Variants in SOX6 observed in about 807,000 individuals in gnomAD.
SOX6 encodes transcription factor SOX-6.
In SOX6, 11 loss-of-function variants were observed where a neutral mutation model predicts 97.8. The observed-to-expected ratio is 0.11, with a 90% confidence interval of 0.07 to 0.19. The LOEUF (loss-of-function observed/expected upper bound fraction) is 0.19. Ranked by LOEUF, SOX6 falls within the 10% of genes least tolerant of loss-of-function variation. SOX6 has a pLI of 1.00. For missense variants in SOX6, 810 were observed against 1,039.5 expected (o/e 0.78, Z 3.04); for synonymous variants, 360 against 371.4 (o/e 0.97, Z 0.35).
At chr11:16,529,454 A>G (rs191532681) in intron 4 of SOX6, among the ~76,000 whole-genome samples, 1 of 152,218 alleles carries the variant, frequency 6.6e-6, no homozygotes, top group Non-Finnish European at 1.5e-5. Flanking sequence ...GGAGAGAAAA[A>G]GAAAAACAGG....
At chr11:16,566,913 G>A (rs1189285935) in intron 4 of SOX6, among the ~76,000 whole-genome samples, 1 of 152,124 alleles carries the variant, frequency 6.6e-6, no homozygotes, top group Non-Finnish European at 1.5e-5. Context: ...GCCAAAAAGT[G>A]GAAACAACCT....
rs573997460 is a variant in SOX6, at chr11:16,515,310, T to C, written n.610-38922A>G. ...CTCTGATGGCCAGTGATTATGAGCA[T>C]TTTTTCATGTGTTTTTTGGCTGCAT... On this transcript the variant is annotated intron_variant and non_coding_transcript_variant, in intron 4 of 5. Transcript: ENST00000524520. 8.2e-4 allele frequency among the ~76,000 whole-genome samples: 125 copies of C among 151,928 alleles called. 1 individual carries two copies. The highest frequency in any genetic ancestry group is 2.7e-3 in the African/African-American group (110 of 41,456).
At chr11:16,656,442 C>T (rs142906075) in intron 3 of SOX6, among the ~76,000 whole-genome samples, 59 of 152,212 alleles carry the variant, frequency 3.9e-4, no homozygotes, top group South Asian at 8.3e-4. Flanking sequence ...TAGTGGACCA[C>T]GCTCACAGAA....
At chr11:16,080,674 G>A (rs561564038) in intron 9 of SOX6, among the ~76,000 whole-genome samples, 20 of 152,194 alleles carry the variant, frequency 1.3e-4, no homozygotes, top group African/African-American at 4.8e-4. Context: ...CTGTCTTTCA[G>A]GACATCAAAG....
intron 13 of SOX6, among the ~76,000 whole-genome samples, chr11:15,991,769 A>G (rs1854059178): frequency 2.6e-5 from 4 of 152,168 alleles, no homozygotes; most frequent in Admixed American, 2.6e-4. Context: ...ATCATAGTGG[A>G]TTTTTAGATG....
intron 4 of SOX6, among the ~76,000 whole-genome samples, chr11:16,500,381 T>C (rs1007730870): frequency 6.6e-6 from 1 of 152,140 alleles, no homozygotes; most frequent in African/African-American, 2.4e-5. Context: ...ACTGGAAGCA[T>C]TCCCTTCGAA....
intron 3 of SOX6, among the ~76,000 whole-genome samples, chr11:16,655,219 GT>G (rs139337515): frequency 0.015 from 2,249 of 152,274 alleles, 56 homozygotes; most frequent in African/African-American, 0.049. Context: ...AAGGACTGAC[GT>G]TTGGTTCCCT....
intron 3 of SOX6, among the ~76,000 whole-genome samples, chr11:16,258,364 CATT>C (rs34758339): frequency 0.78 from 118,344 of 151,392 alleles, 46,378 homozygotes; most frequent in Non-Finnish European, 0.8. Flanking sequence ...GACAATGAAA[CATT>C]ATTCTGCACT....
chr11:16,374,380 C>T (rs1001185947), intron 1 of SOX6, among the ~76,000 whole-genome samples: 10 of 152,038 alleles, frequency 6.6e-5, no homozygotes, highest in Non-Finnish European at 1.2e-4. Context: ...CACAGATCTG[C>T]AGTTTTCTTT....
rs573807713 is a variant in SOX6 at position 16,337,196 on chromosome 11, A to G, written c.237+3816T>C. Reference sequence around the variant, plus strand: ...AACTCCTTTCTAAATTATACTCTAAAGCAAAAGAAAAAAAAGTAAGGAAGG... The same window carrying G: ...AACTCCTTTCTAAATTATACTCTAAGGCAAAAGAAAAAAAAGTAAGGAAGG... On this transcript the variant is annotated intron_variant, in intron 2 of 15. Coordinates refer to ENST00000683767, the MANE Select transcript of SOX6 (RefSeq NM_001367873.1). Among the ~76,000 whole-genome samples, 42 of 152,214 alleles carry G rather than the reference A, an allele frequency of 2.8e-4. No individual in the cohort carries two copies. The South Asian group carries it at 8.5e-3, about 31-fold the overall frequency.
intron 4 of SOX6, among the ~76,000 whole-genome samples, chr11:16,194,352 G>C (rs1851714789): frequency 6.6e-6 from 1 of 152,104 alleles, no homozygotes; most frequent in Non-Finnish European, 1.5e-5. Context: ...CAGAATACTG[G>C]AATTTCTTTG....
intron 15 of SOX6, among the ~76,000 whole-genome samples, chr11:15,975,313 C>T (rs1242228754): frequency 2.0e-5 from 3 of 152,134 alleles, no homozygotes; most frequent in South Asian, 2.1e-4. Flanking sequence ...CCTTATAATG[C>T]CTCATTGGTT....
At chr11:16,418,058 G>A (rs1310469132) in intron 1 of SOX6, among the ~76,000 whole-genome samples, 1 of 152,062 alleles carries the variant, frequency 6.6e-6, no homozygotes, top group Non-Finnish European at 1.5e-5. Context: ...ATCATTCTAT[G>A]CATTATGAAT....
chr11:16,110,717 A>T (rs1849209169), intron 7 of SOX6, among the ~76,000 whole-genome samples: 1 of 152,206 alleles, frequency 6.6e-6, no homozygotes, highest in Non-Finnish European at 1.5e-5. Flanking sequence ...TATCAAATAC[A>T]AAAGAGTAAT....
At chr11:16,332,254 T>A (rs1856327673) in intron 2 of SOX6, among the ~76,000 whole-genome samples, 2 of 152,150 alleles carry the variant, frequency 1.3e-5, no homozygotes, top group Non-Finnish European at 2.9e-5. Context: ...ATTAGTTTAA[T>A]CCTGGCTAAC....
At chr11:16,416,205 A>G (rs982650997) in intron 1 of SOX6, among the ~76,000 whole-genome samples, 3 of 152,188 alleles carry the variant, frequency 2.0e-5, no homozygotes, top group African/African-American at 7.2e-5. Flanking sequence ...ACTTTAACAG[A>G]AAGAAAAGCA....
At chr11:16,042,224 G>T (rs1471481237) in intron 12 of SOX6, among the ~76,000 whole-genome samples, 1 of 152,136 alleles carries the variant, frequency 6.6e-6, no homozygotes, top group Non-Finnish European at 1.5e-5. Context: ...CATGTTCTTT[G>T]TAATCTACAT....
At chr11:16,027,350 A>T (rs566478646) in intron 12 of SOX6, among the ~76,000 whole-genome samples, 1 of 152,194 alleles carries the variant, frequency 6.6e-6, no homozygotes, top group African/African-American at 2.4e-5. Flanking sequence ...AATTTAATAA[A>T]CTAAAGGTAT....
At chr11:16,569,868 C>CAAAAAA (rs34604334) in intron 4 of SOX6, among the ~76,000 whole-genome samples, 10 of 84,790 alleles carry the variant, frequency 1.2e-4, no homozygotes, top group East Asian at 4.2e-4. Context: ...GACTCCGTCT[C>CAAAAAA]AAAAAAAAAA....
Sources: gnomAD v4.1 joint callset for allele counts (sites outside exome capture counted in the v4.1 genomes callset) on GRCh38, gnomAD v4.1.1 for gene constraint, MANE v1.5 for transcripts, NCBI Gene and HGNC (gene_info 2026-07-23, HGNC 2026-07-21) for gene names.